PLEKHA5: variants seen among roughly 807,000 people sequenced by gnomAD.
PLEKHA5 encodes the protein pleckstrin homology domain-containing family A member 5.
PLEKHA5 carries 55 observed loss-of-function variants against 181.9 expected under a neutral mutation model. That is an observed-to-expected ratio of 0.30 (90% CI 0.24 to 0.38). PLEKHA5 has a LOEUF of 0.38. Ranked by LOEUF, PLEKHA5 falls within the 10% of genes least tolerant of loss-of-function variation. The pLI is 1.00. For missense variants in PLEKHA5, 1,432 were observed against 1,549.5 expected, an observed-to-expected ratio of 0.92 and a Z score of 1.27; for synonymous variants, 535 against 529.4, an observed-to-expected ratio of 1.01 and a Z score of -0.15.
intron 3 of PLEKHA5, among the ~76,000 whole-genome samples, chr12:19,163,179 CTT>C (rs762716561): frequency 1.3e-4 from 18 of 141,640 alleles, no homozygotes; most frequent in Admixed American, 1.4e-4. Flanking sequence ...TTTGAATTCA[CTT>C]TTTTTTTTTT....
chr12:19,338,505 G>T (rs868549719), intron 21 of PLEKHA5, among the ~76,000 whole-genome samples: 1 of 152,050 alleles, frequency 6.6e-6, no homozygotes, highest in African/African-American at 2.4e-5. Context: ...TACTTGGAAG[G>T]CTGAGGCAGG....
Position 19,183,870 on chromosome 12 carries a change from C to T in PLEKHA5, c.227+51420C>T, listed in dbSNP as rs531793431. ...GTGGGACTACAGGTGTGCACCACCA[C>T]GCCCAGCTAATTTTTGTGTTTTTTT... is the stretch of plus-strand genomic sequence containing the variant. On this transcript the variant is annotated intron_variant, in intron 3 of 31. Transcript: ENST00000429027. 9.9e-5 allele frequency among the ~76,000 whole-genome samples: 15 copies of T among 152,204 alleles called. No homozygotes were observed. In the South Asian group the frequency reaches 3.1e-3, roughly 32 times the overall value.
chr12:19,154,315 A>G (rs2041173924), intron 3 of PLEKHA5: 2 of 151,970 alleles, frequency 1.3e-5, no homozygotes, highest in Admixed American at 1.3e-4. Flanking sequence ...ACTTTTTTTT[A>G]ACTTATAGTC....
At chr12:19,203,587 CT>C (rs2054681805) in intron 3 of PLEKHA5, among the ~76,000 whole-genome samples, 1 of 152,006 alleles carries the variant, frequency 6.6e-6, no homozygotes, top group Non-Finnish European at 1.5e-5. Context: ...AAGTTCACCC[CT>C]CTCACAAAGA....
rs188592831 is a variant in PLEKHA5, at chr12:19,290,068, G to C, written c.1864-609G>C. ...AGCGATTCTCCTGCCTCAGCCTCCC[G>C]AGTAGCTGGGATTACAGTTGCGTGC... On this transcript the variant is annotated intron_variant, in intron 13 of 31. Coordinates refer to ENST00000429027, the MANE Select transcript of PLEKHA5 (RefSeq NM_001256470.2). 1.1e-4 allele frequency among the ~76,000 whole-genome samples: 17 copies of C among 151,860 alleles called. 1 individual carries two copies. The East Asian group carries it at 2.1e-3, about 19-fold the overall frequency.
At chr12:19,352,252 G>A (rs1305776197) in intron 25 of PLEKHA5, among the ~76,000 whole-genome samples, 2 of 151,190 alleles carry the variant, frequency 1.3e-5, no homozygotes, top group Admixed American at 1.3e-4. Context: ...AGGCGTGGTA[G>A]CACATGCCTG....
chr12:19,264,060 G>A (rs2069467091), intron 7 of PLEKHA5, among the ~76,000 whole-genome samples: 1 of 151,342 alleles, frequency 6.6e-6, no homozygotes. Context: ...TTGATAGAAG[G>A]TGAAGATTTT....
chr12:19,224,741 T>C (rs1006888560), intron 3 of PLEKHA5, among the ~76,000 whole-genome samples: 2 of 152,192 alleles, frequency 1.3e-5, no homozygotes, highest in African/African-American at 4.8e-5. Flanking sequence ...AAATTACATT[T>C]CATTACATAA....
chr12:19,374,707 C>T (rs1441350677), intron 31 of PLEKHA5, among the ~76,000 whole-genome samples: 1 of 151,398 alleles, frequency 6.6e-6, no homozygotes. Flanking sequence ...GGAATCCTAG[C>T]ACTTTGGGAG....
chr12:19,142,321 A>T (rs1416974304), intron 3 of PLEKHA5, among the ~76,000 whole-genome samples: 1 of 152,166 alleles, frequency 6.6e-6, no homozygotes, highest in Non-Finnish European at 1.5e-5. Flanking sequence ...GTGAGCTATG[A>T]TCATGCCACT....
intron 3 of PLEKHA5, among the ~76,000 whole-genome samples, chr12:19,241,141 T>G (rs1247464605): frequency 6.6e-6 from 1 of 152,220 alleles, no homozygotes; most frequent in African/African-American, 2.4e-5. Flanking sequence ...TGACATAATT[T>G]ACTTGTTTTT....
chr12:19,295,300 G>T (rs2079478826), intron 15 of PLEKHA5, among the ~76,000 whole-genome samples: 1 of 152,170 alleles, frequency 6.6e-6, no homozygotes, highest in South Asian at 2.1e-4. Flanking sequence ...ATCCTAAAAT[G>T]CATGTACTGA....
At chr12:19,188,829 A>G (rs1483829309) in intron 3 of PLEKHA5, among the ~76,000 whole-genome samples, 1 of 152,180 alleles carries the variant, frequency 6.6e-6, no homozygotes, top group Non-Finnish European at 1.5e-5. Flanking sequence ...ATTTATGTGT[A>G]AAGGCATTAT....
At position 19,348,536 on chromosome 12, in the gene PLEKHA5, T is replaced by C. The variant is rs376664387; in HGVS notation, c.3019+17T>C. ...TTGTTAAAGGTCAGCATTTGTAATATGTTTTACCTCTTGGTTTTTGTTTTT... is the reference window on the plus strand; with the variant it reads ...TTGTTAAAGGTCAGCATTTGTAATACGTTTTACCTCTTGGTTTTTGTTTTT... On this transcript the variant is annotated intron_variant, in intron 25 of 31. Transcript: ENST00000429027. 2.9e-5 allele frequency: 44 copies of C among 1,541,714 alleles called. No homozygotes were observed. In the African/African-American group the frequency reaches 5.9e-4, roughly 21 times the overall value.
At chr12:19,187,661 T>G (rs2050166663) in intron 3 of PLEKHA5, among the ~76,000 whole-genome samples, 1 of 152,184 alleles carries the variant, frequency 6.6e-6, no homozygotes, top group Admixed American at 6.5e-5. Context: ...ATCTTTTTAG[T>G]GTGGAAGGGG....
At chr12:19,368,355 C>T (rs190645350) in intron 30 of PLEKHA5, among the ~76,000 whole-genome samples, 27 of 152,064 alleles carry the variant, frequency 1.8e-4, no homozygotes, top group Middle Eastern at 3.4e-3. Context: ...AAAAATTAGC[C>T]GGATGGGATG....
At chr12:19,227,717 T>A (rs968723308) in intron 3 of PLEKHA5, among the ~76,000 whole-genome samples, 1 of 152,168 alleles carries the variant, frequency 6.6e-6, no homozygotes, top group African/African-American at 2.4e-5. Context: ...TTTTGCAGGG[T>A]GCATTCCTTC....
intron 31 of PLEKHA5, chr12:19,373,754 T>A (rs2095644878): frequency 6.6e-6 from 1 of 152,200 alleles, no homozygotes; most frequent in Admixed American, 6.6e-5. Context: ...TCATTTGATT[T>A]CATCTATGTA....
At chr12:19,287,032 C>G (rs1339427515) in intron 12 of PLEKHA5, among the ~76,000 whole-genome samples, 4 of 151,630 alleles carry the variant, frequency 2.6e-5, no homozygotes, top group Admixed American at 6.6e-5. Context: ...GAGCCTCGCT[C>G]TGTTGCCCAG....
Sources: gnomAD v4.1 joint callset for allele counts (sites outside exome capture counted in the v4.1 genomes callset) on GRCh38, gnomAD v4.1.1 for gene constraint, MANE v1.5 for transcripts, NCBI Gene and HGNC (gene_info 2026-07-23, HGNC 2026-07-21) for gene names.